CLSTN2: variants seen among roughly 807,000 people sequenced by gnomAD.
CLSTN2 encodes the protein calsyntenin 2.
Under a neutral mutation model 101.2 loss-of-function variants are expected in CLSTN2, and 48 were observed. The observed-to-expected ratio is 0.47, with a 90% CI of 0.38 to 0.60. CLSTN2 has a LOEUF of 0.60. Among genes scored for constraint, CLSTN2 ranks in the 20% least tolerant of loss-of-function variants. The pLI is 0.00. For synonymous variants in CLSTN2, 481 were observed against 463.6 expected (o/e 1.04, Z -0.48); for missense variants, 1,160 against 1,238.2 (o/e 0.94, Z 0.95).
chr3:140,025,516 G>T (rs1046774967), intron 1 of CLSTN2, among the ~76,000 whole-genome samples: 2 of 152,130 alleles, frequency 1.3e-5, no homozygotes, highest in Non-Finnish European at 2.9e-5. Context: ...GATTTTGGTT[G>T]TTGTTATTGT....
At chr3:140,126,085 G>T (rs759759459) in intron 1 of CLSTN2, among the ~76,000 whole-genome samples, 4 of 152,168 alleles carry the variant, frequency 2.6e-5, no homozygotes, top group Non-Finnish European at 5.9e-5. Flanking sequence ...TCAGTGGTTG[G>T]TGATGATGTA....
intron 2 of CLSTN2, among the ~76,000 whole-genome samples, chr3:140,386,830 A>C (rs1404258052): frequency 6.6e-6 from 1 of 152,164 alleles, no homozygotes. Context: ...TTTTACAGAC[A>C]ATAGTAGCTC....
intron 1 of CLSTN2, among the ~76,000 whole-genome samples, chr3:139,967,978 T>C (rs1439373822): frequency 1.3e-5 from 2 of 152,086 alleles, no homozygotes; most frequent in African/African-American, 4.8e-5. Flanking sequence ...CAGACACATA[T>C]ATGTGTGTCT....
intron 2 of CLSTN2, among the ~76,000 whole-genome samples, chr3:140,226,218 G>C (rs2086318943): frequency 6.6e-6 from 1 of 152,188 alleles, no homozygotes; most frequent in African/African-American, 2.4e-5. Context: ...TTAAAGACAG[G>C]GTGGGGATGG....
At chr3:140,385,215 G>A (rs1330844117) in intron 2 of CLSTN2, among the ~76,000 whole-genome samples, 4 of 152,044 alleles carry the variant, frequency 2.6e-5, no homozygotes, top group African/African-American at 9.7e-5. Flanking sequence ...GTAAGCCAGG[G>A]GAAACCCCTT....
At chr3:140,147,129 AC>A (rs1402505669) in intron 1 of CLSTN2, among the ~76,000 whole-genome samples, 3 of 152,230 alleles carry the variant, frequency 2.0e-5, no homozygotes, top group Non-Finnish European at 4.4e-5. Flanking sequence ...ATAGATAGTA[AC>A]AAGGAAATAC....
intron 1 of CLSTN2, among the ~76,000 whole-genome samples, chr3:140,161,873 C>T (rs1234811681): frequency 6.6e-6 from 1 of 152,126 alleles, no homozygotes; most frequent in African/African-American, 2.4e-5. Flanking sequence ...TAGGTTATAC[C>T]TGTTACTATA....
At chr3:139,951,497 T>G (rs1021006777) in intron 1 of CLSTN2, among the ~76,000 whole-genome samples, 2 of 152,178 alleles carry the variant, frequency 1.3e-5, no homozygotes, top group Non-Finnish European at 2.9e-5. Flanking sequence ...GGAGAATCAC[T>G]GCTTTGCCAG....
intron 2 of CLSTN2, among the ~76,000 whole-genome samples, chr3:140,270,095 T>G (rs937546065): frequency 9.9e-5 from 15 of 152,194 alleles, no homozygotes; most frequent in African/African-American, 3.6e-4. Context: ...TAAGCCCATT[T>G]TGATGAATGA....
intron 2 of CLSTN2, among the ~76,000 whole-genome samples, chr3:140,368,975 G>C (rs1324397938): frequency 6.6e-6 from 1 of 152,160 alleles, no homozygotes; most frequent in African/African-American, 2.4e-5. Context: ...AAGCCTTCCT[G>C]CACTCTCCTG....
At chr3:140,009,359 A>AT (rs1325268887) in intron 1 of CLSTN2, among the ~76,000 whole-genome samples, 4 of 152,218 alleles carry the variant, frequency 2.6e-5, no homozygotes, top group African/African-American at 7.2e-5. Flanking sequence ...TTACAAAAAA[A>AT]ATTAGATAGT....
chr3:140,079,761 AG>A (rs1347196863), intron 1 of CLSTN2, among the ~76,000 whole-genome samples: 2 of 143,682 alleles, frequency 1.4e-5, no homozygotes, highest in African/African-American at 5.4e-5. Flanking sequence ...AAAAAAAAAA[AG>A]AAAGAAAAAA....
In CLSTN2 at chr3:140,446,579, C is replaced by T. The variant is rs140856162; in HGVS notation, c.788-1940C>T. Among the ~76,000 whole-genome samples the T allele has an allele frequency of 1.9e-4, 29 of 152,298 alleles. No individual in the cohort carries two copies. In the East Asian group the frequency reaches 5.4e-3, roughly 28 times the overall value. ...CAGTCCCTACTGCATGCTATGTACA[C>T]ATTTTCACACTCAATCCTTACCTCA... On this transcript the variant is annotated intron_variant, in intron 5 of 16. Transcript: ENST00000458420.
At chr3:140,258,620 A>G (rs1323326245) in intron 2 of CLSTN2, among the ~76,000 whole-genome samples, 1 of 152,194 alleles carries the variant, frequency 6.6e-6, no homozygotes, top group South Asian at 2.1e-4. Context: ...TAAATTTTCT[A>G]CTTGCAGTTA....
intron 2 of CLSTN2, among the ~76,000 whole-genome samples, chr3:140,295,010 A>G (rs2086989655): frequency 1.3e-5 from 2 of 152,166 alleles, no homozygotes; most frequent in South Asian, 4.1e-4. Flanking sequence ...ATGCTGTCAC[A>G]TTGGGGGTTA....
intron 1 of CLSTN2, among the ~76,000 whole-genome samples, chr3:140,095,196 G>T (rs1459401810): frequency 1.3e-5 from 2 of 152,090 alleles, no homozygotes; most frequent in East Asian, 1.9e-4. Flanking sequence ...GATGTCTGGG[G>T]GCTAGGAGCG....
At chr3:140,367,472 C>T (rs1341313513) in intron 2 of CLSTN2, among the ~76,000 whole-genome samples, 3 of 141,634 alleles carry the variant, frequency 2.1e-5, no homozygotes, top group African/African-American at 8.1e-5. Context: ...GAGATTGTAC[C>T]ACTGCACTCC....
intron 1 of CLSTN2, among the ~76,000 whole-genome samples, chr3:139,994,080 C>G (rs1244525101): frequency 6.6e-6 from 1 of 152,128 alleles, no homozygotes; most frequent in Non-Finnish European, 1.5e-5. Context: ...TCTCTCTCTC[C>G]CCAGGGATGA....
intron 1 of CLSTN2, among the ~76,000 whole-genome samples, chr3:140,118,288 G>T (rs1437401346): frequency 6.6e-6 from 1 of 152,140 alleles, no homozygotes. Context: ...TGTGGTACTT[G>T]GTTGTGGCTG....
Sources: gnomAD v4.1 joint callset for allele counts (sites outside exome capture counted in the v4.1 genomes callset) on GRCh38, gnomAD v4.1.1 for gene constraint, MANE v1.5 for transcripts, NCBI Gene and HGNC (gene_info 2026-07-23, HGNC 2026-07-21) for gene names.